The following MTOR variants were observed in gnomAD, a reference collection of about 807,000 sequenced individuals.
The protein encoded by MTOR is serine/threonine-protein kinase mTOR.
MTOR carries 70 observed loss-of-function variants against 319.8 expected under a neutral mutation model. The observed-to-expected ratio is 0.22, with a 90% CI of 0.18 to 0.27. The LOEUF is 0.27. Ranked by LOEUF, MTOR falls within the 10% of genes least tolerant of loss-of-function variation. MTOR has a pLI of 1.00. For synonymous variants in MTOR, 1,183 were observed against 1,211.4 expected, an observed-to-expected ratio of 0.98 and a Z score of 0.49; for missense variants, 1,890 against 3,274.4, an observed-to-expected ratio of 0.58 and a Z score of 10.32.
At chr1:11,207,047 T>A (rs368710166) in intron 25 of MTOR, among the ~76,000 whole-genome samples, 5 of 152,220 alleles carry the variant, frequency 3.3e-5, no homozygotes, top group African/African-American at 1.2e-4. Flanking sequence ...TATCATCACA[T>A]GATTATAAGG....
rs548781282 is a variant in MTOR at position 11,238,744 on chromosome 1, A to G, written c.1787-127T>C. 61 of 728,320 alleles carry G rather than the reference A, an allele frequency of 8.4e-5. 1 individual carries two copies. The South Asian group carries it at 1.0e-3, about 12-fold the overall frequency. 45.1% of individuals were successfully genotyped at this position (728,320 alleles called of 1,614,324 possible). On this transcript the variant is annotated intron_variant, in intron 11 of 57. Transcript: ENST00000361445. ...TACTTTCAACTAGATATTGATCAAT[A>G]CGATACTGACCCGGAACTCTTCTTT...
Position 11,109,482 on chromosome 1 carries a change from C to A in MTOR, c.7448-112G>T. The A allele has an allele frequency of 8.1e-7, 1 of 1,227,638 alleles. No individual in the cohort carries two copies. The allele number at this position is 1,227,638 out of a possible 1,614,324, so 76.0% of individuals were successfully genotyped here. ...TTTTGTAAGTGTTAAGCAATCCTTCCTCTATGTCCGTCTTTGTCCTCAGAA... is the reference window on the plus strand; with the variant it reads ...TTTTGTAAGTGTTAAGCAATCCTTCATCTATGTCCGTCTTTGTCCTCAGAA... On this transcript the variant is annotated intron_variant, in intron 55 of 57. Coordinates refer to ENST00000361445, the MANE Select transcript of MTOR (RefSeq NM_004958.4). The surrounding 1 kb of genome is among the most constrained non-coding windows in gnomAD (Gnocchi z 4.0).
chr1:11,220,363 T>C (rs1367190118), intron 19 of MTOR, among the ~76,000 whole-genome samples: 4 of 152,094 alleles, frequency 2.6e-5, no homozygotes, highest in Non-Finnish European at 4.4e-5. Context: ...AGAATAATAT[T>C]CTTGGCTAAA....
rs1012020691 is a variant in MTOR at position 11,134,459 on chromosome 1, G to A, written c.5138C>T (p.Ala1713Val). Residue 1713 changes from alanine (A) to valine (V), a missense_variant, in exon 37 of 58, where the codon GCC (alanine) becomes GTC (valine). This residue lies in a region of MTOR where 276 missense variants were observed against 459.4 expected (regional missense o/e 0.60). Transcript: ENST00000361445. ...GACAAAATGCTGCATGTGCTGGAAG[G>A]CATCGATCTGTAACAGGACAAAGGC... ...NMWKSARKID[A>V]FQHMQHFVQT... 2 of 1,614,004 alleles carry A rather than the reference G, an allele frequency of 1.2e-6. No homozygotes were observed. The highest frequency in any genetic ancestry group is 1.7e-6 in the Non-Finnish European group (2 of 1,179,996).
At position 11,128,397 on chromosome 1, in the gene MTOR, A is replaced by C. The variant is rs1273713964; in HGVS notation, c.5910+57T>G. On this transcript the variant is annotated intron_variant, in intron 42 of 57. Coordinates refer to ENST00000361445, the MANE Select transcript of MTOR (RefSeq NM_004958.4). The surrounding 1 kb of genome is among the most constrained non-coding windows in gnomAD (Gnocchi z 5.3). Reference sequence around the variant, plus strand: ...CTTGTGTCGCCAGGGCAGCTTTTGGAAAGGCTGACCACCAAACCAGTGGTT... The same window carrying C: ...CTTGTGTCGCCAGGGCAGCTTTTGGCAAGGCTGACCACCAAACCAGTGGTT... 6.4e-7 allele frequency: 1 copy of C among 1,561,920 alleles called. No homozygotes were observed. The highest frequency in any genetic ancestry group is 1.7e-5 in the Admixed American group (1 of 59,634).
chr1:11,168,521 A>G (rs1296189513), intron 28 of MTOR, among the ~76,000 whole-genome samples: 2 of 152,204 alleles, frequency 1.3e-5, no homozygotes, highest in African/African-American at 4.8e-5. Flanking sequence ...GTTCTGACAG[A>G]GCCCACCCCC....
chr1:11,141,424 A>T (rs1643698068), intron 34 of MTOR, among the ~76,000 whole-genome samples: 1 of 152,036 alleles, frequency 6.6e-6, no homozygotes, highest in African/African-American at 2.4e-5. Flanking sequence ...GCTGGAGTGC[A>T]GTGGCTCGGT....
chr1:11,199,155 A>T lies in MTOR; in HGVS notation c.4253+103T>A. 1 of 1,457,586 alleles carries T rather than the reference A, an allele frequency of 6.9e-7. No individual in the cohort carries two copies. The highest frequency in any genetic ancestry group is 9.5e-7 in the Non-Finnish European group (1 of 1,051,954). 90.3% of individuals were successfully genotyped at this position (1,457,586 alleles called of 1,614,324 possible). Reference sequence around the variant, plus strand: ...GGCCAGACCCAGAGGCAGATTTCACAGAGCAGAAGTCTTCAAGTGACTCCA... The same window carrying T: ...GGCCAGACCCAGAGGCAGATTTCACTGAGCAGAAGTCTTCAAGTGACTCCA... On this transcript the variant is annotated intron_variant, in intron 28 of 57. Transcript: ENST00000361445. The surrounding 1 kb of genome is among the most constrained non-coding windows in gnomAD (Gnocchi z 4.5).
At position 11,106,832 on chromosome 1, in the gene MTOR, C is replaced by G; in HGVS notation, c.*653G>C. The G allele has an allele frequency of 7.6e-7, 1 of 1,308,234 alleles. No homozygotes were observed. Among genetic ancestry groups the G allele is most frequent in the South Asian group, 1.4e-5 (1 of 70,846 alleles). 81.0% of individuals were successfully genotyped at this position (1,308,234 alleles called of 1,614,324 possible). ...GATCCCCTCTGTGCATCTGCTCAGCCGAGGCTGCCAGCGATCTGAATAAAC... is the reference window on the plus strand; with the variant it reads ...GATCCCCTCTGTGCATCTGCTCAGCGGAGGCTGCCAGCGATCTGAATAAAC... On this transcript the variant is annotated 3_prime_UTR_variant, in exon 58 of 58. Transcript: ENST00000361445.
intron 56 of MTOR, 106 bp from the exon 57 acceptor site, chr1:11,108,392 G>T: frequency 1.1e-6 from 1 of 875,230 alleles, no homozygotes; most frequent in Middle Eastern, 2.3e-4. Context: ...CGTCAGACAT[G>T]AAGATGAAGG....
In MTOR at chr1:11,231,196, G is replaced by A. The variant is rs1267306090; in HGVS notation, c.2649+104C>T. ...ACATGAACAAAATTGGAGAGGGACA[G>A]GAAGTCTGACTGACACTGTCAGAGC... On this transcript the variant is annotated intron_variant, in intron 17 of 57. Transcript: ENST00000361445. The A allele has an allele frequency of 2.5e-6, 4 of 1,582,512 alleles. No homozygotes were observed. The East Asian group carries it at 9.0e-5, about 35-fold the overall frequency.
At chr1:11,197,331 G>A (rs184016271) in intron 28 of MTOR, among the ~76,000 whole-genome samples, 9 of 152,224 alleles carry the variant, frequency 5.9e-5, no homozygotes, top group Admixed American at 5.9e-4. Flanking sequence ...CAGTAAAGAC[G>A]ACAGTATACC....
chr1:11,238,818 A>C (rs1647566083), intron 11 of MTOR, among the ~76,000 whole-genome samples: 1 of 149,746 alleles, frequency 6.7e-6, no homozygotes, highest in Non-Finnish European at 1.5e-5. Flanking sequence ...GCTGGAGTGC[A>C]GTGGCGCAAT....
At chr1:11,189,575 A>G (rs769089703) in intron 28 of MTOR, 11 of 1,590,592 alleles carry the variant, frequency 6.9e-6, no homozygotes, top group Non-Finnish European at 6.0e-6. Flanking sequence ...CCAAACCCAC[A>G]AAAGATGCTG....
rs895074044 is a variant in MTOR at position 11,127,527 on chromosome 1, C to T, written c.6216+97G>A. On this transcript the variant is annotated intron_variant, in intron 44 of 57. Coordinates refer to ENST00000361445, the MANE Select transcript of MTOR (RefSeq NM_004958.4). This position sits in a 1 kb window ranked among gnomAD's most constrained non-coding sequence, Gnocchi z 5.5. ...GAAATCTGACAAAGGCCTTGGGTCA[C>T]GTCCTTTCATTCTATAAAAACTTTT... is the stretch of plus-strand genomic sequence containing the variant. The T allele has an allele frequency of 5.7e-6, 8 of 1,405,556 alleles. 1 individual carries two copies. Among genetic ancestry groups the T allele is most frequent in the East Asian group, 4.7e-5 (2 of 42,916 alleles). The allele number at this position is 1,405,556 out of a possible 1,614,324, so 87.1% of individuals were successfully genotyped here.
chr1:11,254,360 A>G (rs553352864), intron 5 of MTOR, among the ~76,000 whole-genome samples: 12 of 152,182 alleles, frequency 7.9e-5, no homozygotes, highest in Middle Eastern at 3.4e-3. Context: ...GGCTGGTCTC[A>G]AACTCCTGAC....
intron 25 of MTOR, among the ~76,000 whole-genome samples, chr1:11,205,378 T>C (rs1402399025): frequency 1.3e-5 from 2 of 152,220 alleles, no homozygotes; most frequent in South Asian, 2.1e-4. Context: ...ATCCCAGTTA[T>C]ATAACATAAT....
intron 19 of MTOR, among the ~76,000 whole-genome samples, chr1:11,218,290 C>T (rs1344124437): frequency 1.3e-5 from 2 of 152,008 alleles, no homozygotes; most frequent in Non-Finnish European, 1.5e-5. Flanking sequence ...TTTAGCTGGG[C>T]ATGGTGGCAT....
intron 19 of MTOR, among the ~76,000 whole-genome samples, chr1:11,221,184 G>A (rs968672565): frequency 6.6e-6 from 1 of 151,870 alleles, no homozygotes; most frequent in Non-Finnish European, 1.5e-5. Context: ...TAGTAGAGAC[G>A]GGGTTTCGTC....
Sources: gnomAD v4.1 joint callset for allele counts (sites outside exome capture counted in the v4.1 genomes callset) on GRCh38, gnomAD v4.1.1 for gene constraint, gnomAD v4.1.1 regional missense constraint, Gnocchi (gnomAD v3.1) non-coding constraint, MANE v1.5 for transcripts, NCBI Gene and HGNC (gene_info 2026-07-23, HGNC 2026-07-21) for gene names.